Variants in KCTD16 observed in about 807,000 individuals in gnomAD.
KCTD16 encodes BTB/POZ domain-containing protein KCTD16.
A neutral mutation model predicts 33.2 loss-of-function variants in KCTD16; 13 were observed. The observed-to-expected ratio is 0.39, with a 90% CI of 0.25 to 0.62. The LOEUF (loss-of-function observed/expected upper bound fraction) is 0.62. Ranked by LOEUF, KCTD16 falls within the 20% of genes least tolerant of loss-of-function variation. KCTD16 has a pLI of 0.50. For missense variants in KCTD16, 441 were observed against 525.1 expected (o/e 0.84, Z 1.57); for synonymous variants, 197 against 195.3 (o/e 1.01, Z -0.07).
At chr5:144,248,413 G>T (rs2126828149) in intron 3 of KCTD16, among the ~76,000 whole-genome samples, 1 of 152,332 alleles carries the variant, frequency 6.6e-6, no homozygotes, top group Admixed American at 6.5e-5. Flanking sequence ...CAAACTGGCA[G>T]GAACTGTGGA....
At chr5:144,361,699 G>A (rs966928958) in intron 3 of KCTD16, among the ~76,000 whole-genome samples, 1 of 152,058 alleles carries the variant, frequency 6.6e-6, no homozygotes, top group Non-Finnish European at 1.5e-5. Flanking sequence ...TTTTACTCAG[G>A]ATATCTTTAT....
chr5:144,400,916 A>G (rs928922066), intron 3 of KCTD16, among the ~76,000 whole-genome samples: 1 of 152,132 alleles, frequency 6.6e-6, no homozygotes, highest in Non-Finnish European at 1.5e-5. Flanking sequence ...AGAGGGAACA[A>G]TAAGTGCAAA....
chr5:144,351,964 A>C (rs1479422702), intron 3 of KCTD16, among the ~76,000 whole-genome samples: 1 of 152,224 alleles, frequency 6.6e-6, no homozygotes, highest in Non-Finnish European at 1.5e-5. Context: ...TGCACTGTAC[A>C]TCAGGGTTAC....
At chr5:144,247,121 A>G (rs1271344393) in intron 3 of KCTD16, among the ~76,000 whole-genome samples, 2 of 152,196 alleles carry the variant, frequency 1.3e-5, no homozygotes, top group Non-Finnish European at 2.9e-5. Flanking sequence ...AATAGCTCCC[A>G]TCCCATACAC....
At chr5:144,202,342 C>T (rs986302842) in intron 2 of KCTD16, among the ~76,000 whole-genome samples, 5 of 152,326 alleles carry the variant, frequency 3.3e-5, no homozygotes, top group Non-Finnish European at 4.4e-5. Context: ...CCGGGCTTAC[C>T]GACAACTTCC....
At chr5:144,378,250 G>A (rs1311411666) in intron 3 of KCTD16, among the ~76,000 whole-genome samples, 4 of 152,148 alleles carry the variant, frequency 2.6e-5, no homozygotes, top group African/African-American at 9.7e-5. Flanking sequence ...GTAGTGAAAA[G>A]TAATAGAAGA....
At chr5:144,213,067 C>T (rs773938902) in intron 3 of KCTD16, among the ~76,000 whole-genome samples, 4 of 151,972 alleles carry the variant, frequency 2.6e-5, no homozygotes, top group Non-Finnish European at 2.9e-5. Flanking sequence ...TGGTATTCTA[C>T]CATATACCAT....
intron 3 of KCTD16, among the ~76,000 whole-genome samples, chr5:144,209,872 G>C (rs1434418404): frequency 6.9e-6 from 1 of 144,864 alleles, no homozygotes; most frequent in Non-Finnish European, 1.5e-5. Flanking sequence ...ATATATATGT[G>C]TGTATGTATG....
chr5:144,309,899 G>A (rs1751714300), intron 3 of KCTD16, among the ~76,000 whole-genome samples: 1 of 152,056 alleles, frequency 6.6e-6, no homozygotes, highest in South Asian at 2.1e-4. Context: ...ATTTGTATAC[G>A]GTGCAGTTTA....
intron 3 of KCTD16, among the ~76,000 whole-genome samples, chr5:144,400,459 T>A (rs1752677665): frequency 6.6e-6 from 1 of 152,172 alleles, no homozygotes; most frequent in African/African-American, 2.4e-5. Flanking sequence ...TGAACCCTCA[T>A]GCAACACATC....
At chr5:144,422,027 C>G (rs1753223733) in intron 3 of KCTD16, among the ~76,000 whole-genome samples, 2 of 152,152 alleles carry the variant, frequency 1.3e-5, no homozygotes, top group South Asian at 2.1e-4. Context: ...AGTTCCCTGA[C>G]AGAATTTCAA....
At chr5:144,225,619 T>C (rs773654581) in intron 3 of KCTD16, among the ~76,000 whole-genome samples, 3 of 151,354 alleles carry the variant, frequency 2.0e-5, no homozygotes, top group Non-Finnish European at 2.9e-5. Flanking sequence ...AGAAGTCATG[T>C]TAGAGTTTCT....
intron 3 of KCTD16, among the ~76,000 whole-genome samples, chr5:144,446,745 AG>A (rs1374652729): frequency 6.6e-6 from 1 of 152,238 alleles, no homozygotes; most frequent in Non-Finnish European, 1.5e-5. Context: ...AAATGGGCAA[AG>A]AATATGAATA....
Position 144,427,487 on chromosome 5 carries a change from C to T in KCTD16, c.833-46173C>T, listed in dbSNP as rs768359290. Among the ~76,000 whole-genome samples, 6 of 152,188 alleles carry T rather than the reference C, an allele frequency of 3.9e-5. No homozygotes were observed. The South Asian group carries it at 8.3e-4, about 21-fold the overall frequency. ...CCCAAACTCTCCTCAAATGGTTTCTCCTTATATTTTCTGATACATCCAAAA... is the reference window on the plus strand; with the variant it reads ...CCCAAACTCTCCTCAAATGGTTTCTTCTTATATTTTCTGATACATCCAAAA... On this transcript the variant is annotated intron_variant, in intron 3 of 3. Transcript: ENST00000512467.
intron 3 of KCTD16, among the ~76,000 whole-genome samples, chr5:144,300,915 A>G (rs1399775332): frequency 6.6e-6 from 1 of 152,138 alleles, no homozygotes; most frequent in Non-Finnish European, 1.5e-5. Flanking sequence ...GATGAAAAGG[A>G]TGGGAGAAGA....
chr5:144,255,177 A>G (rs1404922598), intron 3 of KCTD16, among the ~76,000 whole-genome samples: 1 of 152,204 alleles, frequency 6.6e-6, no homozygotes, highest in African/African-American at 2.4e-5. Flanking sequence ...ATAGCATTTC[A>G]TTACATGTAT....
chr5:144,254,147 A>T (rs1754778722), intron 3 of KCTD16, among the ~76,000 whole-genome samples: 1 of 149,050 alleles, frequency 6.7e-6, no homozygotes, highest in African/African-American at 2.5e-5. Context: ...ATTTATTTTT[A>T]TTTTTTTTGA....
Position 144,201,742 on chromosome 5 carries a change from G to T in KCTD16, c.-326-4647G>T, listed in dbSNP as rs566462498. 6.7e-4 allele frequency among the ~76,000 whole-genome samples: 102 copies of T among 152,314 alleles called. 1 individual carries two copies. The highest frequency in any genetic ancestry group is 2.4e-3 in the African/African-American group (101 of 41,556). On this transcript the variant is annotated intron_variant, in intron 2 of 3. Coordinates refer to ENST00000512467, the MANE Select transcript of KCTD16 (RefSeq NM_020768.4). ...CGACTGACTGTGGTGAGGACTTGAT[G>T]GTCATCCCTCCATAAACAGCAGCTA...
At chr5:144,299,115 T>C (rs1389925268) in intron 3 of KCTD16, among the ~76,000 whole-genome samples, 1 of 16,166 alleles carries the variant, frequency 6.2e-5, no homozygotes, top group Non-Finnish European at 1.0e-4. Context: ...TATATATATA[T>C]ATATATATAT....
Sources: allele counts gnomAD v4.1 joint callset (sites outside exome capture counted in the v4.1 genomes callset), GRCh38; gene constraint gnomAD v4.1.1; transcripts MANE v1.5; gene names NCBI Gene and HGNC (gene_info 2026-07-23, HGNC 2026-07-21).